Variants in SLC28A3 observed in about 807,000 individuals in gnomAD.
SLC28A3 encodes the protein solute carrier family 28 member 3, also known as concentrative Na(+)-nucleoside cotransporter 3.
In SLC28A3, 68 loss-of-function variants were observed where a neutral mutation model predicts 84.2. The ratio of observed to expected loss-of-function variants is 0.81; its 90% confidence interval spans 0.66 to 0.99. SLC28A3 has a LOEUF of 0.99. Among genes scored for constraint, SLC28A3 ranks in the 50% least tolerant of loss-of-function variants. The pLI, the probability that SLC28A3 is intolerant of heterozygous loss-of-function variation, is 0.00. For missense variants in SLC28A3, 712 were observed against 841.5 expected (o/e 0.85, Z 1.90); for synonymous variants, 267 against 303.6 (o/e 0.88, Z 1.25).
chr9:84,298,360 G>A (rs1825499466), intron 6 of SLC28A3, among the ~76,000 whole-genome samples: 1 of 151,754 alleles, frequency 6.6e-6, no homozygotes, highest in Non-Finnish European at 1.5e-5. Flanking sequence ...GGTGGTGAAT[G>A]CCTGTAATCC....
the SLC28A3 span, among the ~76,000 whole-genome samples, chr9:84,365,374 A>ATT: frequency 6.6e-6 from 1 of 151,932 alleles, no homozygotes. Flanking sequence ...GGATTATTAG[A>ATT]TTTTTTTTCC....
At chr9:84,299,835 C>T in intron 5 of SLC28A3, 110 bp from the exon 6 acceptor site, 1 of 1,275,612 alleles carries the variant, frequency 7.8e-7, no homozygotes, top group South Asian at 1.6e-5. Flanking sequence ...CTCTGTTGCC[C>T]AGGCTGGAGT....
chr9:84,363,855 G>T, the SLC28A3 span, among the ~76,000 whole-genome samples: 8 of 152,082 alleles, frequency 5.3e-5, no homozygotes, highest in Non-Finnish European at 1.0e-4. Flanking sequence ...TTCTCAAAGC[G>T]ATGGGATTAC....
Position 84,278,320 on chromosome 9 carries a change from T to G in SLC28A3, c.1974A>C (p.Glu658Asp). ...GACTGTGGTTTCCTCCTGGGATGAC[T>G]TCACCAGGACCCTTGGCAACAGTGC... The part of the protein sequence containing the change: ...LSSTVAKGPG[E>D]VIPGGNHSLY... The change falls in exon 18 of 18, where the codon GAA becomes GAC. Residue 658 changes from glutamate (E) to aspartate (D), a missense_variant. Coordinates refer to ENST00000376238, the MANE Select transcript of SLC28A3 (RefSeq NM_001199633.2). 1 of 1,614,090 alleles carries G rather than the reference T, an allele frequency of 6.2e-7. No homozygotes were observed. Among genetic ancestry groups the G allele is most frequent in the South Asian group, 1.1e-5 (1 of 91,074 alleles).
In SLC28A3 at chr9:84,280,856, G is replaced by GT. The variant is rs762396296; in HGVS notation, c.1673dup (p.Tyr558Ter). 1.1e-4 allele frequency: 182 copies of GT among 1,613,940 alleles called. No homozygotes were observed. The highest frequency in any genetic ancestry group is 1.5e-4 in the Non-Finnish European group (174 of 1,180,008). Residue 558 changes from tyrosine to a stop codon, truncating the protein, a stop_gained and frameshift_variant, in exon 15 of 18, where the codon TAC (tyrosine) becomes TAAC (stop). Transcript: ENST00000376238. LOFTEE classifies it high-confidence loss of function. The part of the protein sequence containing the change: ...ISIRSEIIAT[Y>*]ALCGFANIGS... ...CGATATTGGCAAAACCACAGAGAGC[G>GT]TAAGTGGCGATTATCTCAGAACGAA...
At chr9:84,342,290 A>G (rs1232744937), upstream of SLC28A3, among the ~76,000 whole-genome samples, 1 of 150,626 alleles carries the variant, frequency 6.6e-6, no homozygotes, top group Admixed American at 6.6e-5. Context: ...ATTTACTTTT[A>G]TTATTGTTAA....
Position 84,294,194 on chromosome 9 carries a change from C to T in SLC28A3, c.942+1G>A. On this transcript the variant is annotated splice_donor_variant, in intron 9 of 17. Transcript: ENST00000376238. LOFTEE classifies it high-confidence loss of function. ...AACCCAGTCCCTCCCAGCCCCAGTACCTTTCTAATAATCCACTGCATCAGT... is the reference window on the plus strand; with the variant it reads ...AACCCAGTCCCTCCCAGCCCCAGTATCTTTCTAATAATCCACTGCATCAGT... 1.2e-6 allele frequency: 2 copies of T among 1,613,926 alleles called. No homozygotes were observed. Among genetic ancestry groups the T allele is most frequent in the Non-Finnish European group, 1.7e-6 (2 of 1,179,840 alleles).
intron 1 of SLC28A3, among the ~76,000 whole-genome samples, chr9:84,336,544 C>T (rs571231170): frequency 4.6e-4 from 70 of 152,122 alleles, no homozygotes; most frequent in Non-Finnish European, 7.9e-4. Flanking sequence ...AGTGTGGTGG[C>T]GCATGTCTGT....
chr9:84,314,984 G>A (rs1250756782), intron 1 of SLC28A3, among the ~76,000 whole-genome samples: 1 of 152,196 alleles, frequency 6.6e-6, no homozygotes, highest in African/African-American at 2.4e-5. Context: ...GGCTGAGGCA[G>A]GAGAATTGCT....
At chr9:84,366,377 G>T in the SLC28A3 span, among the ~76,000 whole-genome samples, 1 of 152,044 alleles carries the variant, frequency 6.6e-6, no homozygotes, top group South Asian at 2.1e-4. Flanking sequence ...TGTTTCTCCA[G>T]GATTGGTCCA....
chr9:84,327,054 AC>A (rs1564174775), intron 1 of SLC28A3, among the ~76,000 whole-genome samples: 88 of 152,034 alleles, frequency 5.8e-4, no homozygotes, highest in African/African-American at 2.1e-3. Flanking sequence ...CCTCAAAAAA[AC>A]TCTCTTAAAA....
intron 2 of SLC28A3, among the ~76,000 whole-genome samples, chr9:84,311,749 G>A (rs947788065): frequency 2.6e-5 from 4 of 152,108 alleles, no homozygotes; most frequent in Non-Finnish European, 5.9e-5. Flanking sequence ...CCAACTACAC[G>A]GGAGGCTGAG....
rs1825659781 is a variant in SLC28A3, at chr9:84,302,238, G to T, written c.486C>A (p.Gly162=). ...ACCAATGGCTGTTTAGAAGCCTTCT[G>T]CCAGGAGACAGCATCTCATCAATTC... ...EHRIDEMLSP[G]RRLLNSHWFW... is the part of the protein sequence containing the mutation. The change falls in exon 5 of 18, where the codon GGC becomes GGA. Residue 162 remains glycine (G), a synonymous_variant. Transcript: ENST00000376238. 1 of 1,614,136 alleles carries T rather than the reference G, an allele frequency of 6.2e-7. No homozygotes were observed. Among genetic ancestry groups the T allele is most frequent in the South Asian group, 1.1e-5 (1 of 91,086 alleles).
intron 1 of SLC28A3, among the ~76,000 whole-genome samples, chr9:84,326,633 AAACAACAACAACAACAACAACAAC>A (rs34082643): frequency 6.1e-5 from 9 of 148,292 alleles, no homozygotes; most frequent in East Asian, 6.1e-4. Flanking sequence ...GATGGATTAA[AAACAACAACAACAACAACAACAAC>A]AACAACAACA....
the SLC28A3 span, among the ~76,000 whole-genome samples, chr9:84,347,204 T>TAAAAAA: frequency 1.6e-5 from 1 of 62,424 alleles, no homozygotes; most frequent in Non-Finnish European, 3.8e-5. Flanking sequence ...AGACTCTGTC[T>TAAAAAA]AAAAAAAAAA....
intron 4 of SLC28A3, 115 bp downstream of exon 4, chr9:84,305,139 G>A: frequency 1.2e-6 from 1 of 847,730 alleles, no homozygotes; most frequent in Non-Finnish European, 1.8e-6. Context: ...GATTCAGTGA[G>A]GTCCCAGAGA....
chr9:84,353,499 C>T, the SLC28A3 span, among the ~76,000 whole-genome samples: 1 of 152,198 alleles, frequency 6.6e-6, no homozygotes, highest in Non-Finnish European at 1.5e-5. Context: ...CACTTGATGT[C>T]AGGAGTTCGA....
chr9:84,323,889 C>A (rs904956747), intron 1 of SLC28A3, among the ~76,000 whole-genome samples: 1 of 152,138 alleles, frequency 6.6e-6, no homozygotes, highest in African/African-American at 2.4e-5. Context: ...TGAGAGGCCA[C>A]TGATCTCTCG....
At chr9:84,367,496 G>A in the SLC28A3 span, among the ~76,000 whole-genome samples, 12 of 152,198 alleles carry the variant, frequency 7.9e-5, no homozygotes, top group Admixed American at 2.6e-4. Flanking sequence ...AGGTGGAGAC[G>A]AGAGACTGAG....
Sources: gnomAD v4.1 joint callset for allele counts (sites outside exome capture counted in the v4.1 genomes callset) on GRCh38, gnomAD v4.1.1 for gene constraint, MANE v1.5 for transcripts, NCBI Gene and HGNC (gene_info 2026-07-23, HGNC 2026-07-21) for gene names.